CEP112: variants seen among roughly 807,000 people sequenced by gnomAD.
The protein encoded by CEP112 is centrosomal protein of 112 kDa.
CEP112 carries 127 observed loss-of-function variants against 153.0 expected under a neutral mutation model. That is an observed-to-expected ratio of 0.83 (90% CI 0.72 to 0.96). The LOEUF (loss-of-function observed/expected upper bound fraction) is 0.96. Ranked by LOEUF, CEP112 falls within the 40% of genes least tolerant of loss-of-function variation. CEP112 has a pLI of 0.00. For missense variants in CEP112, 1,089 were observed against 1,101.2 expected (o/e 0.99, Z 0.16); for synonymous variants, 358 against 374.4 (o/e 0.96, Z 0.51).
intron 21 of CEP112, among the ~76,000 whole-genome samples, chr17:65,836,960 G>A (rs200249046): frequency 2.6e-4 from 37 of 143,762 alleles, no homozygotes; most frequent in South Asian, 8.9e-4. Context: ...GCGCCGCCAC[G>A]CCTGACTGGT....
In CEP112 at chr17:65,706,595, T is replaced by A. The variant is rs761100073; in HGVS notation, c.2608-17377A>T. 1.3e-5 allele frequency among the ~76,000 whole-genome samples: 2 copies of A among 152,218 alleles called. 1 individual carries two copies. Among genetic ancestry groups the A allele is most frequent in the Non-Finnish European group, 2.9e-5 (2 of 68,030 alleles). On this transcript the variant is annotated intron_variant, in intron 23 of 26. Transcript: ENST00000535342. ...TGGACGTATTATCAGTTTTCCCACT[T>A]TATTTCCCTCTCCTTCCACTCACCC...
intron 12 of CEP112, chr17:66,043,139 C>T: frequency 1.1e-6 from 1 of 903,650 alleles, no homozygotes; most frequent in Non-Finnish European, 1.3e-6. Context: ...CAGACTGTCG[C>T]TGAATTTGAA....
chr17:65,706,405 AAAG>A (rs1438371932), intron 23 of CEP112, among the ~76,000 whole-genome samples: 4 of 152,192 alleles, frequency 2.6e-5, no homozygotes, highest in Non-Finnish European at 5.9e-5. Flanking sequence ...GCAGACCTGA[AAAG>A]AGGAGGCCAG....
chr17:66,013,095 T>C (rs1052591742), intron 16 of CEP112, among the ~76,000 whole-genome samples: 3 of 148,744 alleles, frequency 2.0e-5, no homozygotes, highest in African/African-American at 7.3e-5. Context: ...TTCGTTAAAA[T>C]GGCATTTTCA....
intron 23 of CEP112, among the ~76,000 whole-genome samples, chr17:65,714,703 G>T (rs1440393574): frequency 6.6e-6 from 1 of 151,892 alleles, no homozygotes; most frequent in Non-Finnish European, 1.5e-5. Context: ...TTATTATTTG[G>T]AATTGATGCA....
intron 6 of CEP112, among the ~76,000 whole-genome samples, chr17:66,102,828 A>G (rs1050738706): frequency 5.3e-5 from 8 of 151,668 alleles, no homozygotes; most frequent in Non-Finnish European, 1.0e-4. Context: ...AAAAAATTCC[A>G]CAACCATTCA....
Position 65,679,696 on chromosome 17 carries a change from T to C in CEP112, c.2697+9433A>G, listed in dbSNP as rs7216076. Among the ~76,000 whole-genome samples the C allele has an allele frequency of 9.0e-3, 1,378 of 152,312 alleles. 23 individuals are homozygous for C. The highest frequency in any genetic ancestry group is 0.031 in the African/African-American group (1,309 of 41,574). ...TAAGGCTGCCTGTGACTCCATAGAT[T>C]TGTTGGTTACCCTTGATGATGACTG... is the stretch of plus-strand genomic sequence containing the variant. On this transcript the variant is annotated intron_variant, in intron 24 of 26. Coordinates refer to ENST00000535342, the MANE Select transcript of CEP112 (RefSeq NM_001199165.4).
At chr17:65,723,158 T>C (rs998069202) in intron 23 of CEP112, among the ~76,000 whole-genome samples, 1 of 152,218 alleles carries the variant, frequency 6.6e-6, no homozygotes, top group Non-Finnish European at 1.5e-5. Flanking sequence ...GAGCCCAAAC[T>C]GCTTCTGTGT....
At chr17:65,718,712 T>C (rs900018153) in intron 23 of CEP112, among the ~76,000 whole-genome samples, 3 of 152,210 alleles carry the variant, frequency 2.0e-5, no homozygotes, top group Non-Finnish European at 4.4e-5. Context: ...AAAACTTGGA[T>C]AAACATTACA....
chr17:65,933,880 C>G (rs1337450137), intron 18 of CEP112, among the ~76,000 whole-genome samples: 2 of 152,138 alleles, frequency 1.3e-5, no homozygotes, highest in Non-Finnish European at 2.9e-5. Flanking sequence ...TTAAAAGCAA[C>G]TATAACTGCA....
chr17:65,716,403 C>T (rs2049517177), intron 23 of CEP112, among the ~76,000 whole-genome samples: 3 of 152,088 alleles, frequency 2.0e-5, no homozygotes, highest in Admixed American at 2.0e-4. Flanking sequence ...TCAAGTGATC[C>T]GCCCACCTTG....
intron 22 of CEP112, among the ~76,000 whole-genome samples, chr17:65,748,646 C>T (rs1490604508): frequency 1.3e-5 from 2 of 152,096 alleles, no homozygotes; most frequent in Admixed American, 1.3e-4. Flanking sequence ...TAGTTAAAAC[C>T]ATCCTATGAG....
chr17:66,031,469 TTTTG>T (rs2065469064), intron 12 of CEP112, among the ~76,000 whole-genome samples: 1 of 18,078 alleles, frequency 5.5e-5, no homozygotes, highest in Non-Finnish European at 1.2e-4. Context: ...CCCAGTTTTG[TTTTG>T]TTTTTTTTTT....
intron 20 of CEP112, among the ~76,000 whole-genome samples, chr17:65,863,186 A>C (rs1446252800): frequency 6.6e-6 from 1 of 152,176 alleles, no homozygotes; most frequent in African/African-American, 2.4e-5. Context: ...ATTTTAATTT[A>C]CGGTCTTTTA....
intron 4 of CEP112, among the ~76,000 whole-genome samples, chr17:66,153,593 T>C (rs777672702): frequency 2.6e-5 from 4 of 151,976 alleles, no homozygotes; most frequent in Admixed American, 6.6e-5. Flanking sequence ...TATCTCAACA[T>C]GCACGCACAC....
At chr17:65,842,396 T>C (rs1473286584) in intron 21 of CEP112, among the ~76,000 whole-genome samples, 1 of 152,140 alleles carries the variant, frequency 6.6e-6, no homozygotes, top group Non-Finnish European at 1.5e-5. Flanking sequence ...CTTGCTCTCC[T>C]GGATTGCCAG....
Position 66,149,884 on chromosome 17 carries a change from G to GTTTTTTT in CEP112, c.471-17122_471-17121insAAAAAAA, listed in dbSNP as rs1242689416. Among the ~76,000 whole-genome samples, 445 of 46,780 alleles carry GTTTTTTT rather than the reference G, an allele frequency of 9.5e-3. 50 individuals carry two copies. The highest frequency in any genetic ancestry group is 0.011 in the Admixed American group (29 of 2,720). The allele number at this position is 46,780 out of a possible 152,430, so 30.7% of individuals were successfully genotyped here. ...AAATTTAGGGTTTTTTTTTTTGTTT[G>GTTTTTTT]TTTGTTTTTTTTTTTTTTTTTTTTT... On this transcript the variant is annotated intron_variant, in intron 4 of 26. Coordinates refer to ENST00000535342, the MANE Select transcript of CEP112 (RefSeq NM_001199165.4).
chr17:65,655,122 G>A lies in CEP112; in HGVS notation c.2698-14057C>T, dbSNP rs561190880. On this transcript the variant is annotated intron_variant, in intron 24 of 26. Coordinates refer to ENST00000535342, the MANE Select transcript of CEP112 (RefSeq NM_001199165.4). The stretch of plus-strand genomic sequence containing the variant: ...AAAGTTGGCGTCATTCCCAAGCCAT[G>A]GAGATGGGAGATAATAATGTCATTG... 7.5e-5 allele frequency: 54 copies of A among 723,614 alleles called. 1 individual carries two copies. Among genetic ancestry groups the A allele is most frequent in the South Asian group, 7.3e-4 (54 of 74,046 alleles). 44.8% of individuals were successfully genotyped at this position (723,614 alleles called of 1,614,324 possible). A position where few individuals can be genotyped will look rare whatever the true frequency, so the allele number is the denominator to read the frequency against.
At chr17:65,797,940 C>T (rs2055036148) in intron 21 of CEP112, among the ~76,000 whole-genome samples, 1 of 152,120 alleles carries the variant, frequency 6.6e-6, no homozygotes, top group Non-Finnish European at 1.5e-5. Context: ...GGAGGCTGCA[C>T]ACGCATGCGA....
Sources: allele counts gnomAD v4.1 joint callset (sites outside exome capture counted in the v4.1 genomes callset), GRCh38; gene constraint gnomAD v4.1.1; transcripts MANE v1.5; gene names NCBI Gene and HGNC (gene_info 2026-07-23, HGNC 2026-07-21).